Variants in CYB5R3 observed in about 807,000 individuals in gnomAD.
CYB5R3 encodes the protein NADH-cytochrome b5 reductase 3.
CYB5R3 carries 28 observed loss-of-function variants against 36.5 expected under a neutral mutation model. The ratio of observed to expected loss-of-function variants is 0.77; its 90% CI spans 0.57 to 1.05. The LOEUF (loss-of-function observed/expected upper bound fraction) is 1.05. CYB5R3 is among the 50% of genes least tolerant of loss of function. The pLI, the probability that CYB5R3 is intolerant of heterozygous loss-of-function variation, is 0.00. For missense variants in CYB5R3, 474 were observed against 408.9 expected (o/e 1.16, Z -1.37); for synonymous variants, 181 against 159.8 (o/e 1.13, Z -1.00).
chr22:42,626,962 C>T (rs890780548), intron 7 of CYB5R3, among the ~76,000 whole-genome samples: 1 of 152,150 alleles, frequency 6.6e-6, no homozygotes, highest in Admixed American at 6.5e-5. Flanking sequence ...AAGATGGGCC[C>T]CTCCATGTCC....
chr22:42,640,325 C>T (rs1347999267), intron 1 of CYB5R3: 2 of 1,451,178 alleles, frequency 1.4e-6, no homozygotes, highest in Admixed American at 4.2e-5. Context: ...GAAGGTCACC[C>T]CCCGGAAGGA....
chr22:42,622,081 C>T (rs980388302), intron 8 of CYB5R3, among the ~76,000 whole-genome samples: 3 of 152,148 alleles, frequency 2.0e-5, no homozygotes, highest in Admixed American at 2.0e-4. Flanking sequence ...CGACACACGC[C>T]CAGCTAATTT....
At chr22:42,627,412 T>C in intron 6 of CYB5R3, 23 bp from the exon 7 acceptor site, 1 of 1,611,390 alleles carries the variant, frequency 6.2e-7, no homozygotes, top group East Asian at 2.2e-5. Flanking sequence ...CGGCCGGGCC[T>C]CGCACGTGCT....
At chr22:42,640,554 C>A in intron 1 of CYB5R3, 1 of 169,518 alleles carries the variant, frequency 5.9e-6, no homozygotes, top group Non-Finnish European at 1.2e-5. Context: ...AATTTTTGTA[C>A]TTTTAGTAGA....
rs938046743 is a variant in CYB5R3, at chr22:42,630,346, G to A, written c.333+536C>T. Among the ~76,000 whole-genome samples the A allele has an allele frequency of 7.9e-5, 12 of 152,312 alleles. No individual in the cohort carries two copies. In the Middle Eastern group the frequency reaches 0.01, roughly 130 times the overall value. ...CCTGAGGGACATTTCTTAGGGAAAC[G>A]GGTAAGAACAGGGCCTGCGTGTCAC... On this transcript the variant is annotated intron_variant, in intron 4 of 8. Coordinates refer to ENST00000352397, the MANE Select transcript of CYB5R3 (RefSeq NM_000398.7).
intron 7 of CYB5R3, among the ~76,000 whole-genome samples, chr22:42,624,545 A>C: frequency 1.5e-5 from 2 of 131,804 alleles, no homozygotes; most frequent in Non-Finnish European, 1.6e-5. Context: ...AGCTTCCTGG[A>C]CCCTCCAGGG....
rs560705049 is a variant in CYB5R3 at position 42,618,263 on chromosome 22, C to G, written c.*1510G>C. ...ATCAGAAATAAATGCTGGAGCCGGG[C>G]GCAGTGGCTCACGCCTGTAATCCCA... On this transcript the variant is annotated 3_prime_UTR_variant, in exon 9 of 9. Transcript: ENST00000352397. 1 of 152,244 alleles carries G rather than the reference C, an allele frequency of 6.6e-6. No homozygotes were observed. The highest frequency in any genetic ancestry group is 2.1e-4 in the South Asian group (1 of 4,830). The allele number at this position is 152,244 out of a possible 1,614,324, so 9.4% of individuals were successfully genotyped here. A position where few individuals can be genotyped will look rare whatever the true frequency, so the allele number is the denominator to read the frequency against.
chr22:42,649,361 C>T lies in CYB5R3; in HGVS notation c.-46G>A. 1 of 754,464 alleles carries T rather than the reference C, an allele frequency of 1.3e-6. No individual in the cohort carries two copies. Among genetic ancestry groups the T allele is most frequent in the South Asian group, 4.5e-5 (1 of 22,038 alleles). 46.7% of individuals were successfully genotyped at this position (754,464 alleles called of 1,614,324 possible). On this transcript the variant is annotated 5_prime_UTR_variant, in exon 1 of 9. Transcript: ENST00000352397. Reference sequence around the variant, plus strand: ...GCTCTGTCGCCGCCGCCGCCGCCGCCGAGACCGTCGCGCCCGGGCCCGCGT... The same window carrying T: ...GCTCTGTCGCCGCCGCCGCCGCCGCTGAGACCGTCGCGCCCGGGCCCGCGT...
chr22:42,623,755 C>T, intron 8 of CYB5R3, 34 bp downstream of exon 8: 4 of 1,568,450 alleles, frequency 2.6e-6, no homozygotes, highest in Non-Finnish European at 3.5e-6. Flanking sequence ...GCTGGCACCT[C>T]CCACCCACCC....
In CYB5R3 at chr22:42,646,728, G is replaced by C. The variant is rs1033498860; in HGVS notation, c.21+2567C>G. ...TGTTCTAACCGGGAGGAAGTGGGAG[G>C]GAGTGGAGGAAGTTCTGCAGTGGGG... On this transcript the variant is annotated intron_variant, in intron 1 of 8. Coordinates refer to ENST00000352397, the MANE Select transcript of CYB5R3 (RefSeq NM_000398.7). 5 of 985,642 alleles carry C rather than the reference G, an allele frequency of 5.1e-6. No homozygotes were observed. In the African/African-American group the frequency reaches 8.7e-5, roughly 17 times the overall value. The allele number at this position is 985,642 out of a possible 1,614,324, so 61.1% of individuals were successfully genotyped here. A position where few individuals can be genotyped will look rare whatever the true frequency, so the allele number is the denominator to read the frequency against.
chr22:42,630,943 A>G lies in CYB5R3; in HGVS notation c.272T>C (p.Val91Ala), dbSNP rs1322150029. The change falls in exon 4 of 9, where the codon GTC becomes GCC. Residue 91 changes from valine (V) to alanine (A), a missense_variant. Coordinates refer to ENST00000352397, the MANE Select transcript of CYB5R3 (RefSeq NM_000398.7). Reference sequence around the variant, plus strand: ...GCTGGAGATGGGTGTATAGGGCCGGACGACCAGGTTTCCATCAATTCGAGC... The same window carrying G: ...GCTGGAGATGGGTGTATAGGGCCGGGCGACCAGGTTTCCATCAATTCGAGC... The part of the protein sequence containing the change: ...LSARIDGNLV[V>A]RPYTPISSDD... 1.2e-6 allele frequency: 2 copies of G among 1,614,032 alleles called. No homozygotes were observed. The highest frequency in any genetic ancestry group is 4.5e-5 in the East Asian group (2 of 44,866).
At chr22:42,640,761 A>G (rs1452044332) in intron 1 of CYB5R3, among the ~76,000 whole-genome samples, 1 of 152,154 alleles carries the variant, frequency 6.6e-6, no homozygotes, top group Non-Finnish European at 1.5e-5. Context: ...CCTCCTCCTC[A>G]GCCTTCTCAA....
Position 42,630,959 on chromosome 22 carries a change from C to T in CYB5R3, c.256G>A (p.Asp86Asn). Reference protein sequence around the residue: ...GQHIYLSARIDGNLVVRPYTP... With the variant: ...GQHIYLSARINGNLVVRPYTP... ...TAGGGCCGGACGACCAGGTTTCCAT[C>T]AATTCGAGCCGAGAGGTAGATGTGC... is the stretch of plus-strand genomic sequence containing the variant. Residue 86 changes from aspartate (D) to asparagine (N), a missense_variant, in exon 4 of 9, where the codon GAT becomes AAT. Physicochemically the swap from Asp to Asn is conservative, Grantham distance 23. Coordinates refer to ENST00000352397, the MANE Select transcript of CYB5R3 (RefSeq NM_000398.7). The T allele has an allele frequency of 6.2e-7, 1 of 1,614,002 alleles. No homozygotes were observed. The highest frequency in any genetic ancestry group is 8.5e-7 in the Non-Finnish European group (1 of 1,179,980).
chr22:42,643,359 C>T (rs533451947), intron 1 of CYB5R3, among the ~76,000 whole-genome samples: 121 of 152,276 alleles, frequency 7.9e-4, no homozygotes, highest in Non-Finnish European at 1.4e-3. Flanking sequence ...GCCACCCTCA[C>T]GGGGCCACTA....
intron 1 of CYB5R3, among the ~76,000 whole-genome samples, chr22:42,638,782 C>T (rs2146898457): frequency 6.9e-6 from 1 of 145,230 alleles, no homozygotes; most frequent in South Asian, 2.2e-4. Flanking sequence ...CCTGTAATCC[C>T]AGCACTTTGG....
intron 1 of CYB5R3, among the ~76,000 whole-genome samples, chr22:42,644,820 T>C (rs994087745): frequency 8.5e-5 from 13 of 152,162 alleles, no homozygotes; most frequent in African/African-American, 3.1e-4. Context: ...GTTCTGTTTT[T>C]CCAGCACAGC....
intron 3 of CYB5R3, 53 bp from the exon 4 acceptor site, chr22:42,631,041 C>T: frequency 6.6e-7 from 1 of 1,520,748 alleles, no homozygotes; most frequent in Non-Finnish European, 9.1e-7. Context: ...GCGGGTGACC[C>T]CTGGGTCTTG....
intron 1 of CYB5R3, among the ~76,000 whole-genome samples, chr22:42,637,294 A>C (rs1409169735): frequency 1.3e-5 from 2 of 152,216 alleles, no homozygotes; most frequent in Non-Finnish European, 2.9e-5. Context: ...TTAGACAAAC[A>C]GACAAATAAT....
At chr22:42,634,989 T>G (rs1396464281) in intron 2 of CYB5R3, among the ~76,000 whole-genome samples, 1 of 132,084 alleles carries the variant, frequency 7.6e-6, no homozygotes, top group East Asian at 2.3e-4. Flanking sequence ...TTTTTTTTTT[T>G]GAGACGGAGT....
Sources: allele counts gnomAD v4.1 joint callset (sites outside exome capture counted in the v4.1 genomes callset), GRCh38; gene constraint gnomAD v4.1.1; transcripts MANE v1.5; gene names NCBI Gene and HGNC (gene_info 2026-07-23, HGNC 2026-07-21).